ARHGAP20: variants seen among roughly 807,000 people sequenced by gnomAD.
The protein encoded by ARHGAP20 is Rho GTPase activating protein 20.
ARHGAP20 carries 34 observed loss-of-function variants against 73.7 expected under a neutral mutation model. The observed-to-expected ratio is 0.46, with a 90% CI of 0.35 to 0.61. The LOEUF (loss-of-function observed/expected upper bound fraction) is 0.61, where lower values mean the gene tolerates loss of function less well. ARHGAP20 is among the 20% of genes least tolerant of loss of function. The pLI, the probability that ARHGAP20 is intolerant of heterozygous loss-of-function variation, is 0.00. For synonymous variants in ARHGAP20, 523 were observed against 518.2 expected (o/e 1.01, Z -0.13); for missense variants, 1,314 against 1,420.9 (o/e 0.92, Z 1.21).
chr11:110,596,615 G>A lies in ARHGAP20; in HGVS notation c.965-4460C>T, dbSNP rs532874004. ...GATACCATCTCACACCAGTTAGAAT[G>A]GTGATCATTGAAAAGTCAGGAAACA... On this transcript the variant is annotated intron_variant, in intron 9 of 14. Coordinates refer to ENST00000683387, the MANE Select transcript of ARHGAP20 (RefSeq NM_001384657.1). Among the ~76,000 whole-genome samples the A allele has an allele frequency of 5.6e-4, 85 of 152,264 alleles. 3 individuals carry two copies. The South Asian group carries it at 8.3e-3, about 15-fold the overall frequency.
chr11:110,712,373 G>T lies in ARHGAP20; in HGVS notation c.-142C>A. Reference sequence around the variant, plus strand: ...GGGAGCCGAGCTCCGGGTGCTCGCCGCGCGCCTCCCGTCGGGGCCATGTAC... The same window carrying T: ...GGGAGCCGAGCTCCGGGTGCTCGCCTCGCGCCTCCCGTCGGGGCCATGTAC... On this transcript the variant is annotated 5_prime_UTR_variant, in exon 1 of 15. Transcript: ENST00000683387. 1.8e-6 allele frequency: 1 copy of T among 554,010 alleles called. No individual in the cohort carries two copies. Among genetic ancestry groups the T allele is most frequent in the Non-Finnish European group, 2.7e-6 (1 of 367,678 alleles). 34.3% of individuals were successfully genotyped at this position (554,010 alleles called of 1,614,324 possible).
At chr11:110,688,716 G>A (rs1444291551) in intron 2 of ARHGAP20, among the ~76,000 whole-genome samples, 2 of 152,092 alleles carry the variant, frequency 1.3e-5, no homozygotes, top group Non-Finnish European at 2.9e-5. Context: ...CAATGCAAAA[G>A]TCATTTACGT....
chr11:110,675,670 A>G (rs1211442798), intron 2 of ARHGAP20, among the ~76,000 whole-genome samples: 1 of 152,026 alleles, frequency 6.6e-6, no homozygotes, highest in East Asian at 1.9e-4. Context: ...CTTGCCTGCC[A>G]CTCACCTCCT....
intron 3 of ARHGAP20, among the ~76,000 whole-genome samples, chr11:110,628,324 G>A (rs534669002): frequency 1.6e-4 from 24 of 152,096 alleles, no homozygotes; most frequent in Admixed American, 3.3e-4. Flanking sequence ...CTTCATCCAA[G>A]GGTAAGAAAT....
In ARHGAP20 at chr11:110,688,184, T is replaced by C. The variant is rs374547603; in HGVS notation, c.188+2363A>G. Among the ~76,000 whole-genome samples, 14 of 152,290 alleles carry C rather than the reference T, an allele frequency of 9.2e-5. No homozygotes were observed. In the East Asian group the frequency reaches 9.7e-4, roughly 11 times the overall value. On this transcript the variant is annotated intron_variant, in intron 2 of 14. Coordinates refer to ENST00000683387, the MANE Select transcript of ARHGAP20 (RefSeq NM_001384657.1). Reference sequence around the variant, plus strand: ...GATATTCTGTGCTTTCCATGATGCCTAGTATCCCTGGCTGCTGCCACTAAA... The same window carrying C: ...GATATTCTGTGCTTTCCATGATGCCCAGTATCCCTGGCTGCTGCCACTAAA...
At chr11:110,630,050 T>C (rs1416006014) in intron 3 of ARHGAP20, among the ~76,000 whole-genome samples, 1 of 152,200 alleles carries the variant, frequency 6.6e-6, no homozygotes, top group African/African-American at 2.4e-5. Flanking sequence ...TAATCTTAAT[T>C]CATCTTACTC....
At chr11:110,662,985 G>A (rs1949648179) in intron 2 of ARHGAP20, among the ~76,000 whole-genome samples, 1 of 151,852 alleles carries the variant, frequency 6.6e-6, no homozygotes, top group Non-Finnish European at 1.5e-5. Flanking sequence ...AAGAAAATTA[G>A]AAAAGTGTTG....
intron 2 of ARHGAP20, among the ~76,000 whole-genome samples, chr11:110,632,606 T>C (rs1948882093): frequency 6.6e-6 from 1 of 152,310 alleles, no homozygotes; most frequent in South Asian, 2.1e-4. Flanking sequence ...GGTTTTGCCA[T>C]GTTGGCCATG....
intron 1 of ARHGAP20, among the ~76,000 whole-genome samples, chr11:110,705,787 T>G (rs1950542820): frequency 6.6e-6 from 1 of 152,128 alleles, no homozygotes; most frequent in African/African-American, 2.4e-5. Flanking sequence ...CATCTGAGGC[T>G]TAGGATTCAG....
chr11:110,589,907 G>C (rs1349724294), intron 11 of ARHGAP20, among the ~76,000 whole-genome samples: 1 of 152,268 alleles, frequency 6.6e-6, no homozygotes, highest in East Asian at 1.9e-4. Context: ...GATCACCTGA[G>C]GTCAGGAATT....
intron 1 of ARHGAP20, among the ~76,000 whole-genome samples, chr11:110,691,989 G>A (rs544056026): frequency 6.6e-6 from 1 of 152,258 alleles, no homozygotes; most frequent in African/African-American, 2.4e-5. Context: ...TTTGCATGAT[G>A]TATATGTGAT....
intron 2 of ARHGAP20, among the ~76,000 whole-genome samples, chr11:110,661,011 CAGA>C (rs1949599083): frequency 6.6e-6 from 1 of 152,166 alleles, no homozygotes; most frequent in South Asian, 2.1e-4. Flanking sequence ...ATGCTCAGTT[CAGA>C]AGTTTACATA....
chr11:110,679,198 C>T (rs1257958621), intron 2 of ARHGAP20, among the ~76,000 whole-genome samples: 2 of 152,210 alleles, frequency 1.3e-5, no homozygotes, highest in African/African-American at 2.4e-5. Flanking sequence ...CATGACATGG[C>T]TTCCTCCAGA....
chr11:110,667,258 C>T (rs369746107), intron 2 of ARHGAP20, among the ~76,000 whole-genome samples: 6 of 152,178 alleles, frequency 3.9e-5, no homozygotes, highest in African/African-American at 1.4e-4. Flanking sequence ...GACAAGCTGA[C>T]TCCTTTGTTA....
chr11:110,654,148 A>T (rs771799315), intron 2 of ARHGAP20, among the ~76,000 whole-genome samples: 211 of 152,252 alleles, frequency 1.4e-3, no homozygotes, highest in Middle Eastern at 0.01. Flanking sequence ...TCACCATGGC[A>T]CACATTTACC....
At chr11:110,632,565 CA>C (rs751750618) in intron 2 of ARHGAP20, among the ~76,000 whole-genome samples, 5 of 152,070 alleles carry the variant, frequency 3.3e-5, no homozygotes, top group Admixed American at 6.6e-5. Context: ...CCACCACGCC[CA>C]ACTAATTTTT....
intron 2 of ARHGAP20, among the ~76,000 whole-genome samples, chr11:110,687,726 C>T (rs1950163878): frequency 6.6e-6 from 1 of 152,046 alleles, no homozygotes; most frequent in Admixed American, 6.5e-5. Context: ...TAATAAAACA[C>T]TCTAACGGTA....
intron 3 of ARHGAP20, among the ~76,000 whole-genome samples, chr11:110,625,683 G>A (rs1451388378): frequency 2.0e-5 from 3 of 150,502 alleles, no homozygotes; most frequent in Non-Finnish European, 4.4e-5. Flanking sequence ...CCTAATCCCT[G>A]TAGACTCCTG....
At chr11:110,617,015 C>G (rs1239796771) in intron 4 of ARHGAP20, among the ~76,000 whole-genome samples, 2 of 152,050 alleles carry the variant, frequency 1.3e-5, no homozygotes, top group Non-Finnish European at 2.9e-5. Flanking sequence ...TCACATAAAC[C>G]AGCACCCAGA....
Sources: allele counts gnomAD v4.1 joint callset (sites outside exome capture counted in the v4.1 genomes callset), GRCh38; gene constraint gnomAD v4.1.1; transcripts MANE v1.5; gene names NCBI Gene and HGNC (gene_info 2026-07-23, HGNC 2026-07-21).